Variants in LMO7 observed in about 807,000 individuals in gnomAD.
The protein encoded by LMO7 is LIM domain 7.
Under a neutral mutation model 206.5 loss-of-function variants are expected in LMO7, and 120 were observed. The observed-to-expected ratio is 0.58, with a 90% CI of 0.50 to 0.68. The LOEUF is 0.68. Among genes scored for constraint, LMO7 ranks in the 30% least tolerant of loss-of-function variants. LMO7 has a pLI of 0.00. For synonymous variants in LMO7, 706 were observed against 681.5 expected, an observed-to-expected ratio of 1.04 and a Z score of -0.56; for missense variants, 1,959 against 1,957.9, an observed-to-expected ratio of 1.00 and a Z score of -0.01.
intron 1 of LMO7, among the ~76,000 whole-genome samples, chr13:75,667,213 T>A (rs898167264): frequency 1.3e-5 from 2 of 152,198 alleles, no homozygotes; most frequent in African/African-American, 2.4e-5. Flanking sequence ...TTATACTTAG[T>A]TTTCAGTGGT....
At chr13:75,646,202 C>T (rs1420825038) in intron 1 of LMO7, among the ~76,000 whole-genome samples, 1 of 152,154 alleles carries the variant, frequency 6.6e-6, no homozygotes, top group Non-Finnish European at 1.5e-5. Flanking sequence ...TTTTTAACAT[C>T]ATACCACACA....
intron 2 of LMO7, among the ~76,000 whole-genome samples, chr13:75,718,817 C>T (rs2043779241): frequency 6.6e-6 from 1 of 152,162 alleles, no homozygotes; most frequent in Non-Finnish European, 1.5e-5. Context: ...TACCTCTAAT[C>T]CCTGGAAACC....
intron 3 of LMO7, among the ~76,000 whole-genome samples, chr13:75,736,015 C>G (rs937210044): frequency 1.3e-5 from 2 of 151,962 alleles, no homozygotes; most frequent in Non-Finnish European, 2.9e-5. Context: ...TTGGAATGCT[C>G]GAATTGTAGT....
At chr13:75,750,022 T>C (rs1201665726) in intron 3 of LMO7, among the ~76,000 whole-genome samples, 1 of 151,940 alleles carries the variant, frequency 6.6e-6, no homozygotes, top group East Asian at 1.9e-4. Context: ...TTATTAGTTA[T>C]ACCATAACAA....
intron 3 of LMO7, among the ~76,000 whole-genome samples, chr13:75,748,516 A>C (rs192729975): frequency 3.6e-4 from 55 of 152,326 alleles, no homozygotes; most frequent in African/African-American, 1.3e-3. Flanking sequence ...GTTACCTGGC[A>C]TATCGTAAGA....
At chr13:75,758,388 C>G (rs559367222) in intron 3 of LMO7, among the ~76,000 whole-genome samples, 84 of 152,230 alleles carry the variant, frequency 5.5e-4, no homozygotes, top group African/African-American at 1.9e-3. Context: ...CCAGTGAGCT[C>G]AAATCCAGTA....
chr13:75,853,100 C>A lies in LMO7; in HGVS notation c.4373C>A (p.Ser1458Tyr). ...SLPGIMRRGE[S>Y]LDNLDSPRSN... The stretch of plus-strand genomic sequence containing the variant: ...TCTTTTTTGTGTTTCAGAGGCGAAT[C>A]TTTAGATAACCTGGACTCCCCCCGA... Residue 1458 changes from serine to tyrosine, a missense_variant, in exon 28 of 31, where the codon TCT becomes TAT. Ser to Tyr is a moderately radical substitution (Grantham distance 144). Transcript: ENST00000377534. 6.3e-7 allele frequency: 1 copy of A among 1,595,898 alleles called. No homozygotes were observed. Among genetic ancestry groups the A allele is most frequent in the Non-Finnish European group, 8.6e-7 (1 of 1,169,194 alleles).
At chr13:75,684,469 T>A (rs907419465) in intron 1 of LMO7, among the ~76,000 whole-genome samples, 3 of 151,848 alleles carry the variant, frequency 2.0e-5, no homozygotes, top group Non-Finnish European at 2.9e-5. Flanking sequence ...TGTCCTGAAC[T>A]CCTGACCTCA....
chr13:75,720,702 A>G (rs2043949676), intron 2 of LMO7, among the ~76,000 whole-genome samples: 1 of 152,234 alleles, frequency 6.6e-6, no homozygotes, highest in Admixed American at 6.5e-5. Flanking sequence ...GCTATATAAT[A>G]AAGTTCCATC....
intron 1 of LMO7, among the ~76,000 whole-genome samples, chr13:75,649,206 A>G (rs2037327811): frequency 6.6e-6 from 1 of 152,178 alleles, no homozygotes; most frequent in Non-Finnish European, 1.5e-5. Context: ...ATTTTTTAAA[A>G]ATGTCCCATC....
chr13:75,690,903 A>G (rs2041415754), intron 1 of LMO7, among the ~76,000 whole-genome samples: 1 of 152,230 alleles, frequency 6.6e-6, no homozygotes, highest in South Asian at 2.1e-4. Flanking sequence ...AATAATTGCC[A>G]CTACTTTTTC....
At position 75,800,668 on chromosome 13, in the gene LMO7, A is replaced by G. The variant is rs1450023408; in HGVS notation, c.463-16A>G. 1 of 1,611,580 alleles carries G rather than the reference A, an allele frequency of 6.2e-7. No homozygotes were observed. The highest frequency in any genetic ancestry group is 1.1e-5 in the South Asian group (1 of 90,756). On this transcript the variant is annotated splice_polypyrimidine_tract_variant and intron_variant, in intron 6 of 30. Transcript: ENST00000377534. The stretch of plus-strand genomic sequence containing the variant: ...GTTTATTTAACTTACTATTCTTTAA[A>G]AAACGTTTTCTTTAGGCACTCGAAG...
At chr13:75,819,082 A>G (rs1054342998) in intron 12 of LMO7, among the ~76,000 whole-genome samples, 1 of 152,246 alleles carries the variant, frequency 6.6e-6, no homozygotes, top group Non-Finnish European at 1.5e-5. Context: ...AACTGGAAAC[A>G]GTTCCTGATC....
chr13:75,820,922 G>A (rs981908364), intron 13 of LMO7, among the ~76,000 whole-genome samples: 4 of 151,990 alleles, frequency 2.6e-5, no homozygotes, highest in South Asian at 2.1e-4. Context: ...GCTTGAATGC[G>A]GGAGGCGGAG....
chr13:75,763,412 C>G (rs990778740), intron 4 of LMO7, among the ~76,000 whole-genome samples: 1 of 152,120 alleles, frequency 6.6e-6, no homozygotes, highest in Non-Finnish European at 1.5e-5. Context: ...GACTATGACA[C>G]CTTTGACACT....
intron 24 of LMO7, among the ~76,000 whole-genome samples, chr13:75,842,531 C>A (rs1247113301): frequency 1.3e-5 from 2 of 152,080 alleles, no homozygotes; most frequent in African/African-American, 4.8e-5. Context: ...TGTTAGCCTG[C>A]CTGCTGCAGT....
intron 3 of LMO7, chr13:75,760,392 T>C: frequency 9.4e-7 from 1 of 1,068,356 alleles, no homozygotes; most frequent in Non-Finnish European, 1.1e-6. Flanking sequence ...TTTCCCTGCC[T>C]GTCAAGAGCC....
At chr13:75,727,875 G>A (rs1231554284) in intron 3 of LMO7, among the ~76,000 whole-genome samples, 5 of 151,316 alleles carry the variant, frequency 3.3e-5, no homozygotes, top group African/African-American at 1.2e-4. Context: ...AACATGCGGT[G>A]TTTGGTTTTT....
intron 16 of LMO7, 27 bp from the exon 17 acceptor site, chr13:75,834,193 TCCCCAA>T: frequency 2.0e-6 from 3 of 1,532,958 alleles, no homozygotes; most frequent in Admixed American, 3.8e-5. Context: ...GGGATTTTTT[TCCCCAA>T]TTGGTTAATT....
Sources: gnomAD v4.1 joint callset for allele counts (sites outside exome capture counted in the v4.1 genomes callset) on GRCh38, gnomAD v4.1.1 for gene constraint, MANE v1.5 for transcripts, NCBI Gene and HGNC (gene_info 2026-07-23, HGNC 2026-07-21) for gene names.